RCBTB1: variants seen among roughly 807,000 people sequenced by gnomAD.
RCBTB1 encodes the protein RCC1 and BTB domain-containing protein 1.
In RCBTB1, 46 loss-of-function variants were observed where a neutral mutation model predicts 62.4. The ratio of observed to expected loss-of-function variants is 0.74; its 90% CI spans 0.58 to 0.94. The LOEUF (loss-of-function observed/expected upper bound fraction) is 0.94. Among genes scored for constraint, RCBTB1 ranks in the 40% least tolerant of loss-of-function variants. RCBTB1 has a pLI of 0.00. For synonymous variants in RCBTB1, 222 were observed against 245.8 expected (o/e 0.90, Z 0.91); for missense variants, 565 against 654.9 (o/e 0.86, Z 1.50).
intron 2 of RCBTB1, among the ~76,000 whole-genome samples, chr13:49,572,242 G>C (rs949303090): frequency 6.6e-6 from 1 of 150,850 alleles, no homozygotes; most frequent in Non-Finnish European, 1.5e-5. Flanking sequence ...TGGAAGGATC[G>C]TTTGAACCTG....
chr13:49,558,618 C>T (rs1962144510), intron 5 of RCBTB1, among the ~76,000 whole-genome samples: 1 of 146,010 alleles, frequency 6.8e-6, no homozygotes, highest in Non-Finnish European at 1.5e-5. Flanking sequence ...CACTTGTACC[C>T]AGGAGGCAGA....
chr13:49,543,890 T>A (rs966343170), intron 10 of RCBTB1, among the ~76,000 whole-genome samples: 4 of 152,132 alleles, frequency 2.6e-5, no homozygotes, highest in Non-Finnish European at 5.9e-5. Flanking sequence ...TCTCGCTATA[T>A]TGCCTAGGCT....
chr13:49,582,206 G>A (rs141601082), intron 1 of RCBTB1, among the ~76,000 whole-genome samples: 11 of 152,358 alleles, frequency 7.2e-5, no homozygotes, highest in East Asian at 3.9e-4. Flanking sequence ...CAACAGAAGC[G>A]CCGGGCGCAG....
In RCBTB1 at chr13:49,551,311, G is replaced by A. The variant is rs1347987393; in HGVS notation, c.854+15C>T. 2 of 1,613,300 alleles carry A rather than the reference G, an allele frequency of 1.2e-6. No homozygotes were observed. The highest frequency in any genetic ancestry group is 1.7e-5 in the Admixed American group (1 of 59,986). On this transcript the variant is annotated intron_variant, in intron 8 of 12. Coordinates refer to ENST00000378302, the MANE Select transcript of RCBTB1 (RefSeq NM_018191.4). ...ATCGCACACACAGTCCCAAGACGTG[G>A]CACAGCCAAGTTACCTTTCTTTCTC...
At chr13:49,539,013 GTA>G (rs1275469367) in intron 12 of RCBTB1, among the ~76,000 whole-genome samples, 4 of 151,724 alleles carry the variant, frequency 2.6e-5, no homozygotes, top group East Asian at 1.9e-4. Context: ...GGGATTACAG[GTA>G]CGCACCACCA....
In RCBTB1 at chr13:49,548,668, CA is replaced by C; in HGVS notation, c.1045+789del. ...AGAGACATATTACGTCAATGGGCCT[CA>C]AAAACATTAAGTAAAAGAAGCCAGA... is the stretch of plus-strand genomic sequence containing the variant. On this transcript the variant is annotated intron_variant, in intron 9 of 12. Coordinates refer to ENST00000378302, the MANE Select transcript of RCBTB1 (RefSeq NM_018191.4). Among the ~76,000 whole-genome samples the C allele has an allele frequency of 5.9e-5, 9 of 151,770 alleles. 1 individual carries two copies. The South Asian group carries it at 1.9e-3, about 32-fold the overall frequency.
intron 2 of RCBTB1, among the ~76,000 whole-genome samples, chr13:49,576,783 T>G (rs566684395): frequency 1.8e-4 from 28 of 152,164 alleles, no homozygotes; most frequent in Non-Finnish European, 3.4e-4. Context: ...AAAAACAATA[T>G]TAATGTGTTG....
chr13:49,534,398 C>A, intron 12 of RCBTB1, 136 bp from the exon 13 acceptor site: 1 of 851,234 alleles, frequency 1.2e-6, no homozygotes, highest in Admixed American at 2.8e-5. Flanking sequence ...ATACCTAAAA[C>A]TAGGCAAAAA....
At chr13:49,566,077 G>A (rs1362032280) in intron 4 of RCBTB1, among the ~76,000 whole-genome samples, 1 of 150,386 alleles carries the variant, frequency 6.6e-6, no homozygotes, top group Non-Finnish European at 1.5e-5. Flanking sequence ...CTCGTTAAGA[G>A]TCATCACCAC....
intron 2 of RCBTB1, among the ~76,000 whole-genome samples, chr13:49,570,276 G>C (rs1177620508): frequency 6.6e-6 from 1 of 152,188 alleles, no homozygotes; most frequent in Non-Finnish European, 1.5e-5. Context: ...GTAATCTACT[G>C]CAAGATCAAG....
Position 49,533,912 on chromosome 13 carries a change from A to G in RCBTB1, c.*210T>C, listed in dbSNP as rs1411808253. Reference sequence around the variant, plus strand: ...TTACGAAAGGTCACATTTAAAATACACTTATCTGGAAACAAGGGTTGTTTA... The same window carrying G: ...TTACGAAAGGTCACATTTAAAATACGCTTATCTGGAAACAAGGGTTGTTTA... On this transcript the variant is annotated 3_prime_UTR_variant, in exon 13 of 13. Transcript: ENST00000378302. 7 of 449,794 alleles carry G rather than the reference A, an allele frequency of 1.6e-5. No homozygotes were observed. The highest frequency in any genetic ancestry group is 2.7e-5 in the Non-Finnish European group (7 of 255,818). 27.9% of individuals were successfully genotyped at this position (449,794 alleles called of 1,614,324 possible).
chr13:49,547,175 C>CAAA (rs3039280), intron 9 of RCBTB1: 38,361 of 1,072,858 alleles, frequency 0.036, 643 homozygotes, highest in African/African-American at 0.15. Flanking sequence ...ATACTCACTG[C>CAAA]AAAAAAAAAA....
At chr13:49,553,158 G>C (rs1566234881) in intron 6 of RCBTB1, among the ~76,000 whole-genome samples, 1 of 152,098 alleles carries the variant, frequency 6.6e-6, no homozygotes, top group African/African-American at 2.4e-5. Context: ...CTCCAGCCTG[G>C]CAACAACAAC....
In RCBTB1 at chr13:49,541,016, A is replaced by G. The variant is rs1336865048; in HGVS notation, c.1325-10T>C. ...GCCAAATCCAGAAGACCTAAAAGTA[A>G]AATATGTGAAAGGTTTAATCAAATG... On this transcript the variant is annotated splice_polypyrimidine_tract_variant and intron_variant, in intron 11 of 12. Coordinates refer to ENST00000378302, the MANE Select transcript of RCBTB1 (RefSeq NM_018191.4). 1.9e-6 allele frequency: 3 copies of G among 1,607,314 alleles called. No individual in the cohort carries two copies. The highest frequency in any genetic ancestry group is 2.5e-6 in the Non-Finnish European group (3 of 1,178,740).
intron 12 of RCBTB1, among the ~76,000 whole-genome samples, chr13:49,535,881 G>A (rs183143338): frequency 4.8e-4 from 73 of 152,176 alleles, no homozygotes; most frequent in African/African-American, 1.6e-3. Context: ...AAATTAGCCA[G>A]GTGTGGTGGC....
At chr13:49,570,607 A>G (rs746748115) in intron 2 of RCBTB1, among the ~76,000 whole-genome samples, 6 of 152,244 alleles carry the variant, frequency 3.9e-5, no homozygotes, top group Non-Finnish European at 8.8e-5. Context: ...TGTTCAAGAT[A>G]TAATGAAGAA....
At chr13:49,542,791 G>A (rs1017958055) in intron 10 of RCBTB1, among the ~76,000 whole-genome samples, 2 of 151,670 alleles carry the variant, frequency 1.3e-5, no homozygotes, top group Non-Finnish European at 2.9e-5. Context: ...CATCCACTAG[G>A]ATAGTCAGAT....
At chr13:49,565,575 T>C (rs1266361750) in intron 4 of RCBTB1, among the ~76,000 whole-genome samples, 1 of 116,092 alleles carries the variant, frequency 8.6e-6, no homozygotes, top group African/African-American at 4.0e-5. Flanking sequence ...GTGAGGAGCG[T>C]CTCTGCCCGG....
intron 4 of RCBTB1, among the ~76,000 whole-genome samples, chr13:49,564,444 G>A (rs1383907829): frequency 2.0e-5 from 3 of 151,464 alleles, no homozygotes; most frequent in Non-Finnish European, 4.4e-5. Context: ...AATTAGCCGG[G>A]GCGTGGTGGC....
Sources: allele counts gnomAD v4.1 joint callset (sites outside exome capture counted in the v4.1 genomes callset), GRCh38; gene constraint gnomAD v4.1.1; transcripts MANE v1.5; gene names NCBI Gene and HGNC (gene_info 2026-07-23, HGNC 2026-07-21).